The following SCN2A variants were observed in gnomAD, a reference collection of about 807,000 sequenced individuals.
SCN2A encodes the protein sodium channel protein type 2 subunit alpha.
Under a neutral mutation model 188.7 loss-of-function variants are expected in SCN2A, and 20 were observed. The observed-to-expected ratio is 0.11, with a 90% CI of 0.07 to 0.15. SCN2A has a LOEUF of 0.15. Ranked by LOEUF, SCN2A falls within the 10% of genes least tolerant of loss-of-function variation. The pLI is 1.00. For missense variants in SCN2A, 1,278 were observed against 2,445.0 expected, an observed-to-expected ratio of 0.52 and a Z score of 10.07; for synonymous variants, 804 against 833.1, an observed-to-expected ratio of 0.97 and a Z score of 0.60.
chr2:165,367,112 T>A (rs1700769970), intron 18 of SCN2A, 105 bp from the exon 19 acceptor site: 4 of 1,090,614 alleles, frequency 3.7e-6, no homozygotes, highest in Non-Finnish European at 5.5e-6. Flanking sequence ...TTAATGTTAT[T>A]TACAATGTAT....
rs749394373 is a variant in SCN2A at position 165,315,809 on chromosome 2, A to G, written c.1671+51A>G. The G allele has an allele frequency of 1.9e-6, 3 of 1,574,466 alleles. No individual in the cohort carries two copies. In the Admixed American group the frequency reaches 5.2e-5, roughly 27 times the overall value. ...GTGTTCTCATAAATTTTTTAAAAAA[A>G]TATGCCAGAATTTAATGGAGAGAAA... On this transcript the variant is annotated intron_variant, in intron 11 of 26. Transcript: ENST00000375437.
intron 19 of SCN2A, among the ~76,000 whole-genome samples, chr2:165,368,386 G>T (rs1700840859): frequency 6.6e-6 from 1 of 152,186 alleles, no homozygotes; most frequent in Non-Finnish European, 1.5e-5. Context: ...CAACATTTAA[G>T]TGAGAAAACA....
rs1700495630 is a variant in SCN2A at position 165,362,214 on chromosome 2, GTAAAAAC to G, written c.3400-2927_3400-2921del. On this transcript the variant is annotated intron_variant, in intron 17 of 26. Transcript: ENST00000375437. ...ACTTTTGAACTGAACCTTGGAAAAA[GTAAAAAC>G]TTGACCTTTCAATAGATAAATATTT... 2.0e-5 allele frequency among the ~76,000 whole-genome samples: 3 copies of G among 151,890 alleles called. No homozygotes were observed. In the South Asian group the frequency reaches 6.2e-4, roughly 31 times the overall value.
At chr2:165,322,894 G>A (rs187069007) in intron 11 of SCN2A, among the ~76,000 whole-genome samples, 2 of 152,334 alleles carry the variant, frequency 1.3e-5, no homozygotes, top group East Asian at 1.9e-4. Flanking sequence ...ATGTTGAGGT[G>A]TGGGTAAAGT....
chr2:165,366,382 T>A (rs1400065074), intron 18 of SCN2A, among the ~76,000 whole-genome samples: 2 of 152,096 alleles, frequency 1.3e-5, no homozygotes, highest in East Asian at 3.8e-4. Context: ...TATACAAAGG[T>A]GTTTATTGGA....
At chr2:165,313,835 ATTAC>A in intron 9 of SCN2A, 63 bp from the exon 10 acceptor site, 2 of 1,611,658 alleles carry the variant, frequency 1.2e-6, no homozygotes, top group South Asian at 2.2e-5. Flanking sequence ...AGAATATTTT[ATTAC>A]TTAGAGTGTA....
chr2:165,373,423 A>T (rs938924073), intron 21 of SCN2A, 76 bp downstream of exon 21: 2 of 1,518,154 alleles, frequency 1.3e-6, no homozygotes, highest in East Asian at 2.3e-5. Context: ...GGAAATGTCA[A>T]ATTTATGGAG....
chr2:165,255,834 C>T (rs1303539042), intron 1 of SCN2A, among the ~76,000 whole-genome samples: 1 of 151,698 alleles, frequency 6.6e-6, no homozygotes, highest in Non-Finnish European at 1.5e-5. Context: ...TTCTTTTATC[C>T]TCAGACATCT....
intron 13 of SCN2A, among the ~76,000 whole-genome samples, chr2:165,329,452 G>A (rs1298646393): frequency 2.6e-5 from 4 of 152,046 alleles, no homozygotes; most frequent in Non-Finnish European, 5.9e-5. Context: ...TGAATGCTTT[G>A]CTTTGTTTTA....
At chr2:165,382,746 A>G (rs1701669075) in intron 25 of SCN2A, among the ~76,000 whole-genome samples, 1 of 152,168 alleles carries the variant, frequency 6.6e-6, no homozygotes. Flanking sequence ...ACTGGGAAAA[A>G]TAGTGTTAGA....
At chr2:165,286,300 G>T (rs1695827475) in intron 1 of SCN2A, among the ~76,000 whole-genome samples, 1 of 152,134 alleles carries the variant, frequency 6.6e-6, no homozygotes, top group African/African-American at 2.4e-5. Context: ...TGAACATGGG[G>T]CTCACCATGT....
intron 2 of SCN2A, chr2:165,296,310 A>T (rs1233056882): frequency 1.7e-6 from 1 of 576,864 alleles, no homozygotes. Flanking sequence ...CTGGTGAGGC[A>T]TCCTCCAGCG....
intron 3 of SCN2A, among the ~76,000 whole-genome samples, chr2:165,301,710 A>T (rs1696817690): frequency 6.6e-6 from 1 of 152,204 alleles, no homozygotes; most frequent in Admixed American, 6.5e-5. Flanking sequence ...CTGTAAGATT[A>T]GCAAAAAGGA....
intron 17 of SCN2A, among the ~76,000 whole-genome samples, chr2:165,355,998 C>CAA (rs202024678): frequency 3.2e-4 from 37 of 116,630 alleles, no homozygotes; most frequent in East Asian, 9.4e-4. Flanking sequence ...AACTCTGTCT[C>CAA]AAAAAAAAAA....
intron 3 of SCN2A, among the ~76,000 whole-genome samples, chr2:165,307,051 T>C (rs1230074763): frequency 6.6e-6 from 1 of 152,148 alleles, no homozygotes; most frequent in East Asian, 1.9e-4. Flanking sequence ...GTGAAGGGCA[T>C]TGGCTATACC....
At chr2:165,317,822 T>C (rs1477690439) in intron 11 of SCN2A, among the ~76,000 whole-genome samples, 1 of 151,866 alleles carries the variant, frequency 6.6e-6, no homozygotes, top group Non-Finnish European at 1.5e-5. Flanking sequence ...TATATAAAAA[T>C]AGAGTTAAAG....
intron 1 of SCN2A, among the ~76,000 whole-genome samples, chr2:165,291,575 TTCTCTCTC>T (rs762280674): frequency 1.4e-5 from 1 of 70,552 alleles, no homozygotes; most frequent in South Asian, 5.0e-4. Flanking sequence ...CTTCCTTCCT[TTCTCTCTC>T]TCTCTCTCTC....
intron 21 of SCN2A, among the ~76,000 whole-genome samples, chr2:165,374,297 G>A (rs1222547027): frequency 2.6e-5 from 4 of 152,034 alleles, no homozygotes; most frequent in Admixed American, 6.6e-5. Context: ...TGATCCCCAA[G>A]TGGTCTCTTT....
chr2:165,314,136 G>C (rs970570900), intron 10 of SCN2A, 28 bp downstream of exon 10: 1 of 1,602,968 alleles, frequency 6.2e-7, no homozygotes, highest in Non-Finnish European at 8.5e-7. Context: ...ACGGTCCTTT[G>C]TTTTTCTTTA....
Sources: allele counts gnomAD v4.1 joint callset (sites outside exome capture counted in the v4.1 genomes callset), GRCh38; gene constraint gnomAD v4.1.1; transcripts MANE v1.5; gene names NCBI Gene and HGNC (gene_info 2026-07-23, HGNC 2026-07-21).